Variants in ANO2 observed in about 807,000 individuals in gnomAD.
The protein encoded by ANO2 is anoctamin-2.
In ANO2, 101 loss-of-function variants were observed where a neutral mutation model predicts 124.2. The observed-to-expected ratio is 0.81, with a 90% CI of 0.69 to 0.96. The LOEUF is 0.96. ANO2 is among the 40% of genes least tolerant of loss of function. ANO2 has a pLI of 0.00. For missense variants in ANO2, 1,293 were observed against 1,274.5 expected (o/e 1.01, Z -0.22); for synonymous variants, 486 against 482.5 (o/e 1.01, Z -0.09).
intron 11 of ANO2, among the ~76,000 whole-genome samples, chr12:5,749,330 C>A (rs1334242256): frequency 2.0e-5 from 3 of 152,230 alleles, no homozygotes; most frequent in Non-Finnish European, 4.4e-5. Flanking sequence ...TGCCCCCTAG[C>A]CACAATGAAT....
At chr12:5,794,908 C>T (rs1952803636) in intron 10 of ANO2, among the ~76,000 whole-genome samples, 1 of 152,238 alleles carries the variant, frequency 6.6e-6, no homozygotes, top group Admixed American at 6.5e-5. Flanking sequence ...CAACGTTTTT[C>T]TCTCTCCAGT....
intron 16 of ANO2, among the ~76,000 whole-genome samples, chr12:5,627,089 C>G (rs567762773): frequency 2.0e-5 from 3 of 152,190 alleles, no homozygotes; most frequent in Non-Finnish European, 4.4e-5. Flanking sequence ...AATTACTGAC[C>G]ATAGTCTTAC....
chr12:5,578,255 G>A (rs1053236264), intron 21 of ANO2, 111 bp downstream of exon 21: 6 of 1,450,090 alleles, frequency 4.1e-6, no homozygotes, highest in Non-Finnish European at 5.6e-6. Context: ...GGACCCAAAG[G>A]GAAGAGGGGC....
At chr12:5,830,048 G>A (rs974670258) in intron 6 of ANO2, among the ~76,000 whole-genome samples, 8 of 152,106 alleles carry the variant, frequency 5.3e-5, no homozygotes, top group African/African-American at 9.7e-5. Context: ...TAACGCTAAC[G>A]ATCCTTGTTC....
intron 3 of ANO2, among the ~76,000 whole-genome samples, chr12:5,871,491 A>G (rs958246914): frequency 6.6e-6 from 1 of 152,194 alleles, no homozygotes; most frequent in African/African-American, 2.4e-5. Context: ...AGCAGGAGGT[A>G]AATGGCAGGG....
chr12:5,806,075 C>T lies in ANO2; in HGVS notation c.967G>A (p.Glu323Lys). 6.2e-7 allele frequency: 1 copy of T among 1,613,894 alleles called. No individual in the cohort carries two copies. Among genetic ancestry groups the T allele is most frequent in the Non-Finnish European group, 8.5e-7 (1 of 1,179,848 alleles). ...PLHDGEYDSPEDDMNDRKLLY... is the reference protein window; with the variant it reads ...PLHDGEYDSPKDDMNDRKLLY... ...ACCTTCCTGTCATTCATATCGTCCTCTGGACTATCGTATTCACCCTGTGGA... is the reference window on the plus strand; with the variant it reads ...ACCTTCCTGTCATTCATATCGTCCTTTGGACTATCGTATTCACCCTGTGGA... Residue 323 changes from glutamate (E) to lysine (K), a missense_variant, in exon 9 of 25, where the codon GAG (glutamate) becomes AAG (lysine). Glu to Lys is a moderately conservative substitution (Grantham distance 56, BLOSUM62 1). Coordinates refer to ENST00000682330, the MANE Select transcript of ANO2 (RefSeq NM_001364791.2).
rs955362506 is a variant in ANO2 at position 5,751,038 on chromosome 12, G to A, written c.1056-68C>T. 2.1e-6 allele frequency: 3 copies of A among 1,451,154 alleles called. No individual in the cohort carries two copies. In the Admixed American group the frequency reaches 6.6e-5, roughly 32 times the overall value. The allele number at this position is 1,451,154 out of a possible 1,614,324, so 89.9% of individuals were successfully genotyped here. A position where few individuals can be genotyped will look rare whatever the true frequency, so the allele number is the denominator to read the frequency against. On this transcript the variant is annotated intron_variant, in intron 10 of 24. Coordinates refer to ENST00000682330, the MANE Select transcript of ANO2 (RefSeq NM_001364791.2). ...TCATATACTTTCCTTATTTCTGTTT[G>A]TTCTATGCCTAAGGGTGGGTCAACA...
chr12:5,618,097 C>T (rs991361430), intron 16 of ANO2, among the ~76,000 whole-genome samples: 1 of 152,226 alleles, frequency 6.6e-6, no homozygotes, highest in Non-Finnish European at 1.5e-5. Flanking sequence ...TTCAGTCCCA[C>T]TGGAGACCTC....
At chr12:5,593,652 C>T (rs918789454) in intron 20 of ANO2, among the ~76,000 whole-genome samples, 2 of 152,184 alleles carry the variant, frequency 1.3e-5, no homozygotes, top group Non-Finnish European at 2.9e-5. Flanking sequence ...TGGACAATAA[C>T]AACGGTGGCC....
At chr12:5,732,830 G>A (rs987858013) in intron 13 of ANO2, 200 bp from the exon 14 acceptor site, 1 of 1,613,448 alleles carries the variant, frequency 6.2e-7, no homozygotes, top group Admixed American at 1.7e-5. Flanking sequence ...AGAGACAAGG[G>A]ACACACAACA....
Position 5,635,253 on chromosome 12 carries a change from A to C in ANO2, c.1715T>G (p.Val572Gly), listed in dbSNP as rs755452999. 2.5e-5 allele frequency: 41 copies of C among 1,613,274 alleles called. No individual in the cohort carries two copies. The highest frequency in any genetic ancestry group is 3.4e-5 in the Non-Finnish European group (40 of 1,179,772). The change falls in exon 16 of 25, where the codon GTC (valine) becomes GGC (glycine). Residue 572 changes from valine (V) to glycine (G), a missense_variant. Transcript: ENST00000682330. This position sits in a 1 kb window ranked among gnomAD's most constrained non-coding sequence, Gnocchi z 5.2. ...LSLNKATRSN[V>G]RVTVTATAVI... is the part of the protein sequence containing the mutation. ...TGCTGTTGCTGTCACTGTCACCCGG[A>C]CATTGGAGCGTGTAGCCTTATTGAG...
chr12:5,783,666 A>G (rs1952464907), intron 10 of ANO2, among the ~76,000 whole-genome samples: 1 of 152,218 alleles, frequency 6.6e-6, no homozygotes. Flanking sequence ...AAGGCTGTGA[A>G]GTCATCACTT....
intron 1 of ANO2, among the ~76,000 whole-genome samples, chr12:5,940,937 C>T (rs986877014): frequency 5.5e-4 from 83 of 152,282 alleles, no homozygotes; most frequent in African/African-American, 1.9e-3. Flanking sequence ...GAATGAAGTA[C>T]CGATATGTGT....
At chr12:5,826,787 C>T (rs772279558) in intron 7 of ANO2, among the ~76,000 whole-genome samples, 12 of 152,106 alleles carry the variant, frequency 7.9e-5, no homozygotes, top group Admixed American at 3.3e-4. Context: ...CCCCACAACA[C>T]ACTCTCAAAT....
intron 2 of ANO2, among the ~76,000 whole-genome samples, chr12:5,921,633 C>A (rs1315745553): frequency 6.6e-6 from 1 of 152,178 alleles, no homozygotes; most frequent in African/African-American, 2.4e-5. Context: ...CACACTCACA[C>A]ACAGACTGTA....
intron 10 of ANO2, among the ~76,000 whole-genome samples, chr12:5,783,832 C>T (rs1340030548): frequency 6.6e-6 from 1 of 152,202 alleles, no homozygotes. Context: ...CCTTCTCCCA[C>T]TAGGGCTCCA....
chr12:5,827,716 C>T (rs776496399), intron 7 of ANO2, 53 bp downstream of exon 7: 9 of 1,572,628 alleles, frequency 5.7e-6, no homozygotes, highest in Non-Finnish European at 6.9e-6. Context: ...AAGCACGGGG[C>T]GGGAGCCGCC....
At chr12:5,933,140 C>T (rs1048421763) in intron 1 of ANO2, among the ~76,000 whole-genome samples, 3 of 152,186 alleles carry the variant, frequency 2.0e-5, no homozygotes, top group African/African-American at 7.2e-5. Context: ...GTATAGTGCA[C>T]ACTTCTTAAC....
At chr12:5,797,817 C>T (rs923410586) in intron 10 of ANO2, among the ~76,000 whole-genome samples, 5 of 152,172 alleles carry the variant, frequency 3.3e-5, no homozygotes, top group African/African-American at 9.7e-5. Flanking sequence ...AGACAGCCTC[C>T]GGCCCTGCTC....
Sources: gnomAD v4.1 joint callset for allele counts (sites outside exome capture counted in the v4.1 genomes callset) on GRCh38, gnomAD v4.1.1 for gene constraint, Gnocchi (gnomAD v3.1) non-coding constraint, MANE v1.5 for transcripts, NCBI Gene and HGNC (gene_info 2026-07-23, HGNC 2026-07-21) for gene names.